FAM168A: variants seen among roughly 807,000 people sequenced by gnomAD.
FAM168A encodes family with sequence similarity 168 member A, also known as protein FAM168A.
Under a neutral mutation model 28.5 loss-of-function variants are expected in FAM168A, and 3 were observed. The observed-to-expected ratio is 0.11, with a 90% confidence interval of 0.05 to 0.27. The LOEUF (loss-of-function observed/expected upper bound fraction) is 0.27, where lower values mean the gene tolerates loss of function less well. FAM168A is among the 10% of genes least tolerant of loss of function. The pLI is 1.00. For missense variants in FAM168A, 222 were observed against 311.5 expected (o/e 0.71, Z 2.16); for synonymous variants, 122 against 124.2 (o/e 0.98, Z 0.12).
intron 1 of FAM168A, among the ~76,000 whole-genome samples, chr11:73,547,667 C>T (rs1320734531): frequency 1.3e-5 from 2 of 152,040 alleles, no homozygotes; most frequent in Non-Finnish European, 2.9e-5. Context: ...GAGTGAGACT[C>T]CATCTCTTAG....
intron 1 of FAM168A, among the ~76,000 whole-genome samples, chr11:73,531,971 A>ATTTT (rs1016007383): frequency 8.1e-6 from 1 of 123,480 alleles, no homozygotes; most frequent in Non-Finnish European, 1.7e-5. Flanking sequence ...TGCCTGGCTA[A>ATTTT]TTTTTTTTTT....
rs148626628 is a variant in FAM168A, at chr11:73,430,718, G to A, written c.123C>T (p.Tyr41=). The stretch of plus-strand genomic sequence containing the variant: ...GAGCATAACTGGGACTATTGGTGGG[G>A]TACAGGCTGGGATTGTAGGCAGGGG... ...AAAPAYNPSL[Y]PTNSPSYAPA... Residue 41 remains tyrosine (Y), a synonymous_variant, in exon 3 of 8, where the codon TAC becomes TAT. Coordinates refer to ENST00000356467, the MANE Select transcript of FAM168A (RefSeq NM_015159.3). 679 of 1,613,754 alleles carry A rather than the reference G, an allele frequency of 4.2e-4. 3 individuals are homozygous for A. The highest frequency in any genetic ancestry group is 2.8e-3 in the Middle Eastern group (17 of 6,044).
intron 1 of FAM168A, among the ~76,000 whole-genome samples, chr11:73,567,505 C>A (rs1034861189): frequency 2.0e-5 from 3 of 152,078 alleles, no homozygotes; most frequent in African/African-American, 7.2e-5. Flanking sequence ...ATTATTTTTA[C>A]CCTCTACCTA....
intron 1 of FAM168A, among the ~76,000 whole-genome samples, chr11:73,586,078 A>C (rs755453247): frequency 2.0e-5 from 3 of 152,130 alleles, no homozygotes; most frequent in African/African-American, 4.8e-5. Flanking sequence ...AAATGTACTA[A>C]GCCCCTGCTA....
chr11:73,415,399 T>C (rs1866679268), intron 4 of FAM168A, among the ~76,000 whole-genome samples: 1 of 152,198 alleles, frequency 6.6e-6, no homozygotes, highest in Non-Finnish European at 1.5e-5. Context: ...ACCACAGTGG[T>C]TCTCAAGGTT....
chr11:73,583,663 G>T (rs1944275489), intron 1 of FAM168A, among the ~76,000 whole-genome samples: 1 of 152,208 alleles, frequency 6.6e-6, no homozygotes, highest in Admixed American at 6.5e-5. Flanking sequence ...CCAATTAAGA[G>T]TAACAAAGAG....
chr11:73,507,297 T>TG, intron 1 of FAM168A, among the ~76,000 whole-genome samples: 1 of 152,356 alleles, frequency 6.6e-6, no homozygotes, highest in Middle Eastern at 3.4e-3. Flanking sequence ...AATTTATTTA[T>TG]GATCCATCCA....
chr11:73,507,954 C>T (rs1855148384), intron 1 of FAM168A, among the ~76,000 whole-genome samples: 1 of 152,060 alleles, frequency 6.6e-6, no homozygotes, highest in Admixed American at 6.5e-5. Context: ...GACAACTGTA[C>T]TTCACAGATA....
Position 73,494,207 on chromosome 11 carries a change from T to C in FAM168A, c.-18-25715A>G, listed in dbSNP as rs1425916102. Among the ~76,000 whole-genome samples, 4 of 152,084 alleles carry C rather than the reference T, an allele frequency of 2.6e-5. No individual in the cohort carries two copies. The East Asian group carries it at 7.7e-4, about 29-fold the overall frequency. On this transcript the variant is annotated intron_variant, in intron 1 of 7. Coordinates refer to ENST00000356467, the MANE Select transcript of FAM168A (RefSeq NM_015159.3). ...TTAGAGCTTGGTAGGACCTCAAAGA[T>C]CATTTAATTTAAGCCCTTCATTTTG...
chr11:73,507,736 A>G (rs1855142178), intron 1 of FAM168A, among the ~76,000 whole-genome samples: 1 of 152,230 alleles, frequency 6.6e-6, no homozygotes, highest in African/African-American at 2.4e-5. Flanking sequence ...CCTCTGAATA[A>G]TATTACAGGT....
chr11:73,484,522 A>ATCTATACATCTATC (rs1182048611), intron 1 of FAM168A, among the ~76,000 whole-genome samples: 1 of 142,744 alleles, frequency 7.0e-6, no homozygotes, highest in Non-Finnish European at 1.5e-5. Flanking sequence ...ATATAGATAT[A>ATCTATACATCTATC]TATATCTATA....
chr11:73,419,138 C>G (rs576622386), intron 4 of FAM168A, among the ~76,000 whole-genome samples: 1 of 152,288 alleles, frequency 6.6e-6, no homozygotes, highest in Non-Finnish European at 1.5e-5. Context: ...AACATTGGTC[C>G]TCATTTCCCC....
intron 3 of FAM168A, chr11:73,424,904 G>C (rs901446322): frequency 3.8e-6 from 3 of 788,674 alleles, no homozygotes; most frequent in East Asian, 2.9e-5. Flanking sequence ...TGAGCCACCT[G>C]GGGGGAGCCC....
intron 2 of FAM168A, among the ~76,000 whole-genome samples, chr11:73,452,705 G>A (rs185312862): frequency 6.6e-6 from 1 of 151,900 alleles, no homozygotes; most frequent in Admixed American, 6.5e-5. Context: ...ATCTACCTAT[G>A]AAGATTGGAG....
intron 1 of FAM168A, among the ~76,000 whole-genome samples, chr11:73,476,270 G>A (rs995301116): frequency 6.6e-6 from 1 of 152,030 alleles, no homozygotes; most frequent in Non-Finnish European, 1.5e-5. Context: ...AACATTGGAT[G>A]GCCACTAATC....
At chr11:73,536,742 G>A (rs969815977) in intron 1 of FAM168A, among the ~76,000 whole-genome samples, 1 of 152,104 alleles carries the variant, frequency 6.6e-6, no homozygotes, top group Admixed American at 6.6e-5. Context: ...TTTATTGATG[G>A]TTATTCACTT....
In FAM168A at chr11:73,478,726, C is replaced by G. The variant is rs190925562; in HGVS notation, c.-18-10234G>C. On this transcript the variant is annotated intron_variant, in intron 1 of 7. Coordinates refer to ENST00000356467, the MANE Select transcript of FAM168A (RefSeq NM_015159.3). ...CACACTCATTTTATATAAACTGATA[C>G]TTGCTGTGCCAGGCCATGCATAAAG... 1.6e-3 allele frequency among the ~76,000 whole-genome samples: 241 copies of G among 152,234 alleles called. 2 individuals carry two copies. The highest frequency in any genetic ancestry group is 5.5e-3 in the African/African-American group (229 of 41,536).
At position 73,469,011 on chromosome 11, in the gene FAM168A, C is replaced by A. The variant is rs1363949502; in HGVS notation, c.-18-519G>T. Among the ~76,000 whole-genome samples, 7 of 152,206 alleles carry A rather than the reference C, an allele frequency of 4.6e-5. 1 individual carries two copies. The highest frequency in any genetic ancestry group is 1.0e-4 in the Non-Finnish European group (7 of 68,036). On this transcript the variant is annotated intron_variant, in intron 1 of 7. Transcript: ENST00000356467. ...AAAGCAGTGTCTCATCCGCCCCTTA[C>A]ACCTGCAGAGGACAAGATACCAGTT... is the stretch of plus-strand genomic sequence containing the variant.
chr11:73,419,783 T>C (rs1866759796), intron 4 of FAM168A, 91 bp downstream of exon 4: 12 of 1,496,062 alleles, frequency 8.0e-6, no homozygotes, highest in Non-Finnish European at 1.0e-5. Context: ...ATCTCATAAA[T>C]GTCATTTTAA....
Sources: allele counts gnomAD v4.1 joint callset (sites outside exome capture counted in the v4.1 genomes callset), GRCh38; gene constraint gnomAD v4.1.1; transcripts MANE v1.5; gene names NCBI Gene and HGNC (gene_info 2026-07-23, HGNC 2026-07-21).